Variants in BIN1 observed in about 807,000 individuals in gnomAD.
The protein encoded by BIN1 is myc box-dependent-interacting protein 1.
In BIN1, 53 loss-of-function variants were observed where a neutral mutation model predicts 82.0. The ratio of observed to expected loss-of-function variants is 0.65; its 90% CI spans 0.52 to 0.81. BIN1 has a LOEUF of 0.81. BIN1 is among the 40% of genes least tolerant of loss of function. The pLI is 0.00. For synonymous variants in BIN1, 302 were observed against 328.0 expected (o/e 0.92, Z 0.86); for missense variants, 642 against 784.4 (o/e 0.82, Z 2.17).
At chr2:127,049,280 C>G (rs1682574125) in intron 18 of BIN1, among the ~76,000 whole-genome samples, 1 of 152,192 alleles carries the variant, frequency 6.6e-6, no homozygotes, top group Non-Finnish European at 1.5e-5. Context: ...AGCCCCAGGC[C>G]AATTCTCACT....
At chr2:127,083,849 T>C (rs1271720200) in intron 1 of BIN1, among the ~76,000 whole-genome samples, 2 of 152,208 alleles carry the variant, frequency 1.3e-5, no homozygotes, top group Non-Finnish European at 2.9e-5. Flanking sequence ...TGTTTCCTTG[T>C]GAGGAAGTTC....
At position 127,057,977 on chromosome 2, in the gene BIN1, C is replaced by T. The variant is rs1160147321; in HGVS notation, c.1003-376G>A. Among the ~76,000 whole-genome samples, 1 of 152,168 alleles carries T rather than the reference C, an allele frequency of 6.6e-6. No homozygotes were observed. ...CTGGTGAGAAGACTGGGGAAGCAAA[C>T]AGTCGTTGAGAGACAGCCGGGCCCC... is the stretch of plus-strand genomic sequence containing the variant. On this transcript the variant is annotated intron_variant, in intron 11 of 18. Coordinates refer to ENST00000316724, the MANE Select transcript of BIN1 (RefSeq NM_139343.3). This position sits in a 1 kb window ranked among gnomAD's most constrained non-coding sequence, Gnocchi z 5.0.
intron 1 of BIN1, among the ~76,000 whole-genome samples, chr2:127,104,290 G>A (rs1330592683): frequency 2.0e-5 from 3 of 152,216 alleles, no homozygotes; most frequent in African/African-American, 7.2e-5. Context: ...CGTGCCCTCA[G>A]GGATCAGCCA....
rs974860118 is a variant in BIN1 at position 127,059,380 on chromosome 2, C to T, written c.858-225G>A. On this transcript the variant is annotated intron_variant, in intron 10 of 18. Coordinates refer to ENST00000316724, the MANE Select transcript of BIN1 (RefSeq NM_139343.3). This position sits in a 1 kb window ranked among gnomAD's most constrained non-coding sequence, Gnocchi z 6.7. ...GGGAAGCCTGCCTCAGAAACAGGAA[C>T]AGCACAAGGTGGGACTCCAGGCTGG... Among the ~76,000 whole-genome samples, 4 of 151,898 alleles carry T rather than the reference C, an allele frequency of 2.6e-5. No homozygotes were observed. Among genetic ancestry groups the T allele is most frequent in the Non-Finnish European group, 5.9e-5 (4 of 67,960 alleles).
intron 1 of BIN1, among the ~76,000 whole-genome samples, chr2:127,101,445 A>T (rs1415916667): frequency 7.2e-5 from 11 of 152,080 alleles, no homozygotes; most frequent in African/African-American, 2.2e-4. Context: ...CACGGGACAC[A>T]TGCAGAAAGT....
At chr2:127,104,556 G>A (rs538937181) in intron 1 of BIN1, among the ~76,000 whole-genome samples, 11 of 152,260 alleles carry the variant, frequency 7.2e-5, no homozygotes, top group South Asian at 2.1e-4. Flanking sequence ...CTCAGGAAAC[G>A]CCTTCCTGTA....
chr2:127,065,773 C>T (rs1334240976), intron 7 of BIN1, among the ~76,000 whole-genome samples: 1 of 152,208 alleles, frequency 6.6e-6, no homozygotes, highest in African/African-American at 2.4e-5. Context: ...CGCTCAGCAA[C>T]GCTGCCGAGA....
At chr2:127,053,201 G>A in intron 14 of BIN1, 1 of 652,076 alleles carries the variant, frequency 1.5e-6, no homozygotes. Context: ...CTAAACCGAA[G>A]ATCCCCTTTT....
intron 1 of BIN1, among the ~76,000 whole-genome samples, chr2:127,104,087 G>A (rs867646356): frequency 2.6e-5 from 4 of 152,198 alleles, no homozygotes; most frequent in Admixed American, 1.3e-4. Context: ...AGACAGCATC[G>A]GGGACTCAGC....
In BIN1 at chr2:127,050,540, C is replaced by T. The variant is rs12466912; in HGVS notation, c.1573-18G>A. The stretch of plus-strand genomic sequence containing the variant: ...GCCTGTACCTGCAGAGGATGCGGAT[C>T]GCAAGTCAGACCTTCCGTCCCACCT... On this transcript the variant is annotated intron_variant, in intron 17 of 18. Transcript: ENST00000316724. 1.2e-6 allele frequency: 2 copies of T among 1,613,646 alleles called. No individual in the cohort carries two copies. Among genetic ancestry groups the T allele is most frequent in the South Asian group, 1.1e-5 (1 of 91,068 alleles).
At chr2:127,066,522 GC>G (rs1347041792) in intron 7 of BIN1, among the ~76,000 whole-genome samples, 2 of 152,144 alleles carry the variant, frequency 1.3e-5, no homozygotes, top group African/African-American at 4.8e-5. Context: ...AGAAACCCGG[GC>G]CCTCCGTCAG....
chr2:127,052,241 AGGTGGGCACTTACTTGG>A lies in BIN1; in HGVS notation c.1368_1371+13del. 1.3e-6 allele frequency: 2 copies of A among 1,562,090 alleles called. No individual in the cohort carries two copies. The highest frequency in any genetic ancestry group is 1.7e-6 in the Non-Finnish European group (2 of 1,152,442). On this transcript the variant is annotated splice_donor_variant and splice_donor_5th_base_variant and coding_sequence_variant and intron_variant, in exon 15 of 19. Transcript: ENST00000316724. LOFTEE classifies it high-confidence loss of function. The stretch of plus-strand genomic sequence containing the variant: ...TGGGGACAAGCCAGACAGGGGCTGG[AGGTGGGCACTTACTTGG>A]GCAGGCCCCGGCTCGGCCGTCTGGC...
chr2:127,053,838 C>G, intron 13 of BIN1, 67 bp downstream of exon 13: 2 of 1,480,484 alleles, frequency 1.4e-6, no homozygotes, highest in Non-Finnish European at 1.8e-6. Context: ...GGCCAATAGG[C>G]AACATGAGCC....
chr2:127,099,385 G>A (rs1436699850), intron 1 of BIN1, among the ~76,000 whole-genome samples: 2 of 152,084 alleles, frequency 1.3e-5, no homozygotes, highest in Admixed American at 6.5e-5. Context: ...AGCGGGGGCA[G>A]TGTCGGCAGC....
chr2:127,095,219 C>T (rs1679439254), intron 1 of BIN1, among the ~76,000 whole-genome samples: 1 of 152,316 alleles, frequency 6.6e-6, no homozygotes, highest in African/African-American at 2.4e-5. Context: ...TCCTGGAGTC[C>T]CCTCCCAAGC....
rs6745677 is a variant in BIN1, at chr2:127,051,333, G to A, written c.1372-90C>T. 0.37 allele frequency: 503,148 copies of A among 1,357,608 alleles called. 94,917 individuals are homozygous for A. Among genetic ancestry groups the A allele is most frequent in the South Asian group, 0.5 (41,433 of 83,332 alleles). The allele number at this position is 1,357,608 out of a possible 1,614,324, so 84.1% of individuals were successfully genotyped here. The stretch of plus-strand genomic sequence containing the variant: ...GGCCACAGGAGGGCAGCACCCAAGC[G>A]ACAGGGCCGGGGGCATCGCCTGGCT... On this transcript the variant is annotated intron_variant, in intron 15 of 18. Coordinates refer to ENST00000316724, the MANE Select transcript of BIN1 (RefSeq NM_139343.3).
At chr2:127,064,965 T>C (rs982850713) in intron 7 of BIN1, 3 of 152,234 alleles carry the variant, frequency 2.0e-5, no homozygotes, top group African/African-American at 7.2e-5. Context: ...CCCAGGAAAG[T>C]GTCAGGCCCC....
intron 1 of BIN1, among the ~76,000 whole-genome samples, chr2:127,081,657 G>T (rs1687304378): frequency 6.6e-6 from 1 of 152,192 alleles, no homozygotes; most frequent in South Asian, 2.1e-4. Flanking sequence ...GGGCCAGGCA[G>T]AAAGCTAGGG....
At chr2:127,104,807 G>T (rs974570217) in intron 1 of BIN1, among the ~76,000 whole-genome samples, 2 of 152,204 alleles carry the variant, frequency 1.3e-5, no homozygotes, top group Non-Finnish European at 2.9e-5. Context: ...TGCGAGCAGG[G>T]CCTGCAACCC....
Sources: gnomAD v4.1 joint callset for allele counts (sites outside exome capture counted in the v4.1 genomes callset) on GRCh38, gnomAD v4.1.1 for gene constraint, Gnocchi (gnomAD v3.1) non-coding constraint, MANE v1.5 for transcripts, NCBI Gene and HGNC (gene_info 2026-07-23, HGNC 2026-07-21) for gene names.